The following ETV6 variants were observed in gnomAD, a reference collection of about 807,000 sequenced individuals.
ETV6 encodes the protein ETS variant transcription factor 6.
Under a neutral mutation model 51.1 loss-of-function variants are expected in ETV6, and 16 were observed. That is an observed-to-expected ratio of 0.31 (90% CI 0.21 to 0.48). The LOEUF (loss-of-function observed/expected upper bound fraction) is 0.48. Among genes scored for constraint, ETV6 ranks in the 20% least tolerant of loss-of-function variants. The probability of loss-of-function intolerance (pLI) is 0.99; values close to 1 mark genes in which losing one functional copy is unlikely to be tolerated. For missense variants in ETV6, 458 were observed against 594.8 expected, an observed-to-expected ratio of 0.77 and a Z score of 2.39; for synonymous variants, 240 against 224.1, an observed-to-expected ratio of 1.07 and a Z score of -0.64.
intron 2 of ETV6, among the ~76,000 whole-genome samples, chr12:11,803,063 G>T (rs912703464): frequency 6.6e-6 from 1 of 152,144 alleles, no homozygotes; most frequent in Non-Finnish European, 1.5e-5. Context: ...TGTTTTCCTG[G>T]ATTGGGGGTT....
chr12:11,713,795 T>C (rs1865218152), intron 1 of ETV6, among the ~76,000 whole-genome samples: 1 of 152,212 alleles, frequency 6.6e-6, no homozygotes, highest in South Asian at 2.1e-4. Flanking sequence ...TTCATTAGAA[T>C]CACCCTGGGA....
chr12:11,864,029 T>A (rs530861413), intron 4 of ETV6, among the ~76,000 whole-genome samples: 4 of 152,298 alleles, frequency 2.6e-5, no homozygotes, highest in South Asian at 4.1e-4. Flanking sequence ...AATAAATAAA[T>A]CAAGCTCCTC....
chr12:11,666,803 G>A (rs570793976), intron 1 of ETV6, among the ~76,000 whole-genome samples: 1 of 152,206 alleles, frequency 6.6e-6, no homozygotes, highest in Non-Finnish European at 1.5e-5. Context: ...CGCCTGCTGG[G>A]GGCTTTCTGT....
At chr12:11,708,151 C>T (rs1353663436) in intron 1 of ETV6, among the ~76,000 whole-genome samples, 2 of 151,846 alleles carry the variant, frequency 1.3e-5, no homozygotes, top group Non-Finnish European at 2.9e-5. Flanking sequence ...TTCTCACTAC[C>T]ACATCCAGCC....
chr12:11,795,596 G>A lies in ETV6; in HGVS notation c.163+43017G>A, dbSNP rs192048951. On this transcript the variant is annotated intron_variant, in intron 2 of 7. Coordinates refer to ENST00000396373, the MANE Select transcript of ETV6 (RefSeq NM_001987.5). Reference sequence around the variant, plus strand: ...AGTTCAGCTTGTCACTTACTGGCGTGCCCTCCAGGGCTTCTGTCCACATCG... The same window carrying A: ...AGTTCAGCTTGTCACTTACTGGCGTACCCTCCAGGGCTTCTGTCCACATCG... Among the ~76,000 whole-genome samples, 23 of 152,364 alleles carry A rather than the reference G, an allele frequency of 1.5e-4. No homozygotes were observed. In the East Asian group the frequency reaches 4.2e-3, roughly 28 times the overall value.
At chr12:11,731,058 C>G (rs1013173791) in intron 1 of ETV6, among the ~76,000 whole-genome samples, 3 of 152,158 alleles carry the variant, frequency 2.0e-5, no homozygotes, top group Non-Finnish European at 2.9e-5. Context: ...CCTTTTGTAG[C>G]ACTGCTCTTT....
intron 1 of ETV6, among the ~76,000 whole-genome samples, chr12:11,721,672 A>C (rs1290797896): frequency 1.3e-5 from 2 of 152,192 alleles, no homozygotes; most frequent in Admixed American, 6.5e-5. Flanking sequence ...AAACCTGCAC[A>C]CGTAAACCCT....
chr12:11,792,927 G>A (rs1945623978), intron 2 of ETV6, among the ~76,000 whole-genome samples: 1 of 152,098 alleles, frequency 6.6e-6, no homozygotes, highest in Non-Finnish European at 1.5e-5. Flanking sequence ...AACTAGAGCA[G>A]TGTTGGAAAA....
At chr12:11,825,842 T>C (rs1382751369) in intron 2 of ETV6, 2 of 151,380 alleles carry the variant, frequency 1.3e-5, no homozygotes, top group Non-Finnish European at 2.9e-5. Flanking sequence ...CCTTTTTTTT[T>C]TTTTTTTTTT....
chr12:11,715,569 G>A (rs1297569060), intron 1 of ETV6, among the ~76,000 whole-genome samples: 2 of 152,238 alleles, frequency 1.3e-5, no homozygotes. Context: ...ACCCAGGTGT[G>A]TCCCAGCTAC....
At chr12:11,853,315 G>A in intron 3 of ETV6, 112 bp from the exon 4 acceptor site, 2 of 1,259,280 alleles carry the variant, frequency 1.6e-6, no homozygotes, top group African/African-American at 2.9e-5. Context: ...GGTGGCAGGT[G>A]CGCTCCAATT....
intron 2 of ETV6, among the ~76,000 whole-genome samples, chr12:11,823,420 G>A (rs1183595387): frequency 6.6e-6 from 1 of 151,884 alleles, no homozygotes; most frequent in Non-Finnish European, 1.5e-5. Flanking sequence ...GACAGTAAAA[G>A]GCTGTGTCTT....
chr12:11,764,954 A>T (rs1945142835), intron 2 of ETV6, among the ~76,000 whole-genome samples: 1 of 152,160 alleles, frequency 6.6e-6, no homozygotes, highest in East Asian at 1.9e-4. Flanking sequence ...TAGGTGGGAG[A>T]CAGGTCCATC....
At chr12:11,852,328 T>C (rs1234714681) in intron 3 of ETV6, among the ~76,000 whole-genome samples, 1 of 152,248 alleles carries the variant, frequency 6.6e-6, no homozygotes, top group African/African-American at 2.4e-5. Context: ...CATCTCTAGA[T>C]GATTTTCTAG....
intron 2 of ETV6, among the ~76,000 whole-genome samples, chr12:11,820,488 G>A (rs575493507): frequency 4.3e-4 from 65 of 152,294 alleles, no homozygotes; most frequent in Non-Finnish European, 1.3e-4. Flanking sequence ...AAGACCGGGG[G>A]AGTCTGAGAA....
chr12:11,671,429 G>A (rs563338395), intron 1 of ETV6, among the ~76,000 whole-genome samples: 57 of 152,294 alleles, frequency 3.7e-4, no homozygotes, highest in South Asian at 8.3e-4. Flanking sequence ...GATCAGTAGG[G>A]TGACTATAGT....
At chr12:11,799,619 CA>C (rs1945719686) in intron 2 of ETV6, among the ~76,000 whole-genome samples, 1 of 152,154 alleles carries the variant, frequency 6.6e-6, no homozygotes, top group Non-Finnish European at 1.5e-5. Flanking sequence ...TAAGCACAAT[CA>C]AAACCAACAG....
chr12:11,654,717 AT>A (rs942010362), intron 1 of ETV6, among the ~76,000 whole-genome samples: 3 of 152,084 alleles, frequency 2.0e-5, no homozygotes, highest in Admixed American at 6.5e-5. Flanking sequence ...GCATCAATAT[AT>A]GTATATATAT....
At position 11,859,118 on chromosome 12, in the gene ETV6, GGTTTTTTTTTTTTTTTTTTTTTTTTTTT is replaced by G. The variant is rs1946675375; in HGVS notation, c.463+5558_463+5585del. Among the ~76,000 whole-genome samples, 3 of 41,794 alleles carry G rather than the reference GGTTTTTTTTTTTTTTTTTTTTTTTTTTT, an allele frequency of 7.2e-5. 1 individual carries two copies. The highest frequency in any genetic ancestry group is 1.3e-3 in the South Asian group (1 of 764). The allele number at this position is 41,794 out of a possible 152,430, so 27.4% of individuals were successfully genotyped here. A position where few individuals can be genotyped will look rare whatever the true frequency, so the allele number is the denominator to read the frequency against. ...TAAAGAAGATGAGGTATATGAATCT[GGTTTTTTTTTTTTTTTTTTTTTTTTTTT>G]TTTTTTTTTTTTTGAGAAGGAGTCT... On this transcript the variant is annotated intron_variant, in intron 4 of 7. Coordinates refer to ENST00000396373, the MANE Select transcript of ETV6 (RefSeq NM_001987.5).
Sources: gnomAD v4.1 joint callset for allele counts (sites outside exome capture counted in the v4.1 genomes callset) on GRCh38, gnomAD v4.1.1 for gene constraint, MANE v1.5 for transcripts, NCBI Gene and HGNC (gene_info 2026-07-23, HGNC 2026-07-21) for gene names.